The following FARP2 variants were observed in gnomAD, a reference collection of about 807,000 sequenced individuals.
FARP2 encodes FERM, ARHGEF and pleckstrin domain-containing protein 2.
Under a neutral mutation model 130.5 loss-of-function variants are expected in FARP2, and 111 were observed. The observed-to-expected ratio is 0.85, with a 90% CI of 0.73 to 1.00. FARP2 has a LOEUF of 1.00. Among genes scored for constraint, FARP2 ranks in the 50% least tolerant of loss-of-function variants. The probability of loss-of-function intolerance (pLI) is 0.00; values close to 1 mark genes in which losing one functional copy is unlikely to be tolerated. For missense variants in FARP2, 1,385 were observed against 1,346.3 expected (o/e 1.03, Z -0.45); for synonymous variants, 504 against 516.9 (o/e 0.98, Z 0.34).
chr2:241,429,107 C>T (rs983275111), intron 8 of FARP2, among the ~76,000 whole-genome samples: 38 of 152,186 alleles, frequency 2.5e-4, no homozygotes, highest in African/African-American at 8.4e-4. Flanking sequence ...AACGTATAGT[C>T]GCTGAAATGC....
intron 2 of FARP2, among the ~76,000 whole-genome samples, chr2:241,397,821 A>G (rs2062066918): frequency 7.0e-6 from 1 of 143,570 alleles, no homozygotes; most frequent in South Asian, 2.2e-4. Context: ...GGTTTTTTAA[A>G]CCTTTTTTCC....
At chr2:241,403,987 G>T in intron 3 of FARP2, 55 bp downstream of exon 3, 1 of 908,974 alleles carries the variant, frequency 1.1e-6, no homozygotes, top group Middle Eastern at 2.2e-4. Context: ...TGTGATGACA[G>T]CCGCAAGATC....
rs867724156 is a variant in FARP2 at position 241,459,018 on chromosome 2, G to A, written c.1587+2096G>A. 1.3e-5 allele frequency among the ~76,000 whole-genome samples: 2 copies of A among 152,274 alleles called. No homozygotes were observed. Among genetic ancestry groups the A allele is most frequent in the Admixed American group, 6.5e-5 (1 of 15,286 alleles). ...GCGTGTGGGCACCCTCAGCCCTGAC[G>A]TGGTGTCTCCTGTTGCCTCTCCTCA... On this transcript the variant is annotated intron_variant, in intron 14 of 26. Transcript: ENST00000264042. This position sits in a 1 kb window ranked among gnomAD's most constrained non-coding sequence, Gnocchi z 5.3.
intron 19 of FARP2, among the ~76,000 whole-genome samples, chr2:241,476,251 G>A (rs2064458100): frequency 1.3e-5 from 2 of 151,288 alleles, no homozygotes; most frequent in African/African-American, 2.4e-5. Context: ...GCTGGGTGTG[G>A]TGGCGCACAC....
At chr2:241,462,221 G>C (rs2064039278) in intron 14 of FARP2, among the ~76,000 whole-genome samples, 2 of 152,236 alleles carry the variant, frequency 1.3e-5, no homozygotes. Context: ...TCATGGACCT[G>C]TGTCTGCTAA....
chr2:241,467,318 A>G (rs1230474727), intron 17 of FARP2, among the ~76,000 whole-genome samples: 5 of 152,138 alleles, frequency 3.3e-5, no homozygotes, highest in Admixed American at 3.3e-4. Flanking sequence ...TGTAATACTC[A>G]GAATCCACAT....
chr2:241,363,630 G>T (rs1006944146), intron 1 of FARP2, among the ~76,000 whole-genome samples: 1 of 152,248 alleles, frequency 6.6e-6, no homozygotes, highest in Non-Finnish European at 1.5e-5. Flanking sequence ...ATAGACCATC[G>T]CCTGGAAGGC....
Position 241,441,536 on chromosome 2 carries a change from C to G in FARP2, c.1391C>G (p.Pro464Arg), listed in dbSNP as rs2063383967. 1 of 1,613,948 alleles carries G rather than the reference C, an allele frequency of 6.2e-7. No individual in the cohort carries two copies. The highest frequency in any genetic ancestry group is 8.5e-7 in the Non-Finnish European group (1 of 1,180,040). The change falls in exon 13 of 27, where the codon CCC becomes CGC. Residue 464 changes from proline to arginine, a missense_variant. Pro to Arg is a moderately radical substitution (Grantham distance 103). Coordinates refer to ENST00000264042, the MANE Select transcript of FARP2 (RefSeq NM_014808.4). ...CCATCGGCCCAGCCCCTCGGGCCCC[C>G]CGCACTCCAGCCTGGTCCAGGTGTC... ...DTPSAQPLGP[P>R]ALQPGPGLST...
At position 241,418,027 on chromosome 2, in the gene FARP2, G is replaced by T. The variant is rs753966346; in HGVS notation, c.689G>T (p.Gly230Val). The change falls in exon 8 of 27, where the codon GGC becomes GTC. Residue 230 changes from glycine (G) to valine (V), a missense_variant. Transcript: ENST00000264042. ...LEIARKLEMYGIRFHMASDRE... is the reference protein window; with the variant it reads ...LEIARKLEMYVIRFHMASDRE... Reference sequence around the variant, plus strand: ...ATTGCTCGAAAGTTGGAAATGTACGGCATCAGATTTCACATGGCTTCTGAC... The same window carrying T: ...ATTGCTCGAAAGTTGGAAATGTACGTCATCAGATTTCACATGGCTTCTGAC... The T allele has an allele frequency of 1.2e-6, 2 of 1,614,154 alleles. No homozygotes were observed. The highest frequency in any genetic ancestry group is 1.7e-6 in the Non-Finnish European group (2 of 1,180,012).
intron 2 of FARP2, among the ~76,000 whole-genome samples, chr2:241,402,855 T>TATATATATATAC (rs2062213672): frequency 8.7e-5 from 1 of 11,488 alleles, no homozygotes; most frequent in East Asian, 2.0e-3. Context: ...TATATATATA[T>TATATATATATAC]ATATATATAT....
intron 8 of FARP2, among the ~76,000 whole-genome samples, chr2:241,420,686 A>G (rs3771568): frequency 0.09 from 13,728 of 152,244 alleles, 632 homozygotes; most frequent in Middle Eastern, 0.15. Flanking sequence ...GGCAGGGGTC[A>G]TCAGCCTCTT....
chr2:241,379,024 T>C (rs1223051959), intron 2 of FARP2, among the ~76,000 whole-genome samples: 1 of 152,186 alleles, frequency 6.6e-6, no homozygotes, highest in East Asian at 1.9e-4. Flanking sequence ...GCTTGCCTTG[T>C]CTTGTGTGCT....
At chr2:241,441,608 G>A (rs1422476006) in intron 13 of FARP2, 52 bp downstream of exon 13, 3 of 1,613,204 alleles carry the variant, frequency 1.9e-6, no homozygotes, top group Non-Finnish European at 2.5e-6. Flanking sequence ...TGTGCTGGGG[G>A]GCAGAGTTTC....
rs143101506 is a variant in FARP2, at chr2:241,469,912, C to T, written c.2131+1535C>T. 4.1e-3 allele frequency among the ~76,000 whole-genome samples: 632 copies of T among 152,326 alleles called. 4 individuals are homozygous for T. The highest frequency in any genetic ancestry group is 0.015 in the African/African-American group (604 of 41,574). On this transcript the variant is annotated intron_variant, in intron 18 of 26. Transcript: ENST00000264042. ...CTCTGTGAAGCTGTTTGTGAAAGTGCTTTGAAGTTGTCAACTCAACAGAAC... is the reference window on the plus strand; with the variant it reads ...CTCTGTGAAGCTGTTTGTGAAAGTGTTTTGAAGTTGTCAACTCAACAGAAC...
chr2:241,373,113 G>T lies in FARP2; in HGVS notation c.6G>T (p.Gly2=). The stretch of plus-strand genomic sequence containing the variant: ...TTCTTCACTCATGGTGAAGAATGGG[G>T]GAGATAGAAGGAACATACAGAGTCC... The part of the protein sequence containing the change: M[G]EIEGTYRVLQ... Residue 2 remains glycine (G), a synonymous_variant, in exon 2 of 27, where the codon GGG becomes GGT. Coordinates refer to ENST00000264042, the MANE Select transcript of FARP2 (RefSeq NM_014808.4). The T allele has an allele frequency of 7.2e-7, 1 of 1,392,212 alleles. No individual in the cohort carries two copies. The highest frequency in any genetic ancestry group is 1.8e-5 in the South Asian group (1 of 56,808). The allele number at this position is 1,392,212 out of a possible 1,614,324, so 86.2% of individuals were successfully genotyped here.
At chr2:241,382,497 A>C (rs1281279121) in intron 2 of FARP2, among the ~76,000 whole-genome samples, 1 of 152,044 alleles carries the variant, frequency 6.6e-6, no homozygotes, top group African/African-American at 2.4e-5. Flanking sequence ...TGCCTAGGCT[A>C]GTCTTGAACT....
intron 13 of FARP2, chr2:241,445,284 G>A (rs949348724): frequency 6.7e-5 from 10 of 149,874 alleles, no homozygotes; most frequent in Admixed American, 2.7e-4. Flanking sequence ...GCTTTCTTCC[G>A]AGTTACTGCT....
chr2:241,451,505 T>C (rs1200938849), intron 13 of FARP2, among the ~76,000 whole-genome samples: 1 of 152,220 alleles, frequency 6.6e-6, no homozygotes, highest in African/African-American at 2.4e-5. Flanking sequence ...TATAGTGAGA[T>C]AGCTGGGCCT....
chr2:241,383,903 C>A (rs1364889431), intron 2 of FARP2, among the ~76,000 whole-genome samples: 1 of 152,006 alleles, frequency 6.6e-6, no homozygotes, highest in Admixed American at 6.5e-5. Flanking sequence ...AGGCACTGGG[C>A]TTGGTGGGAA....
Sources: gnomAD v4.1 joint callset for allele counts (sites outside exome capture counted in the v4.1 genomes callset) on GRCh38, gnomAD v4.1.1 for gene constraint, Gnocchi (gnomAD v3.1) non-coding constraint, MANE v1.5 for transcripts, NCBI Gene and HGNC (gene_info 2026-07-23, HGNC 2026-07-21) for gene names.